DPP6: variants seen among roughly 807,000 people sequenced by gnomAD.
The protein encoded by DPP6 is dipeptidyl peptidase like 6, also known as A-type potassium channel modulatory protein DPP6.
A neutral mutation model predicts 122.6 loss-of-function variants in DPP6; 69 were observed. That is an observed-to-expected ratio of 0.56 (90% CI 0.46 to 0.69). The LOEUF is 0.69. Among genes scored for constraint, DPP6 ranks in the 30% least tolerant of loss-of-function variants. The pLI is 0.00. For synonymous variants in DPP6, 418 were observed against 433.1 expected (o/e 0.97, Z 0.43); for missense variants, 928 against 1,116.9 (o/e 0.83, Z 2.41).
At chr7:154,753,306 G>A (rs1485720272) in intron 8 of DPP6, among the ~76,000 whole-genome samples, 3 of 152,024 alleles carry the variant, frequency 2.0e-5, no homozygotes, top group South Asian at 4.2e-4. Context: ...TGACCCTTCC[G>A]AATCTATTAT....
At chr7:154,749,799 A>G (rs1087698) in intron 8 of DPP6, among the ~76,000 whole-genome samples, 4,268 of 25,782 alleles carry the variant, frequency 0.17, 524 homozygotes, top group Middle Eastern at 0.42. Flanking sequence ...TAGGACGGGA[A>G]AGAGAGGGAT....
At chr7:154,658,083 G>A (rs1019612964) in intron 6 of DPP6, among the ~76,000 whole-genome samples, 1 of 152,170 alleles carries the variant, frequency 6.6e-6, no homozygotes, top group Non-Finnish European at 1.5e-5. Context: ...CCCAAAAGAC[G>A]TCTGTATGAT....
chr7:154,317,140 A>G (rs998812563), intron 1 of DPP6, among the ~76,000 whole-genome samples: 2 of 152,148 alleles, frequency 1.3e-5, no homozygotes, highest in African/African-American at 4.8e-5. Flanking sequence ...TTTACTTCCA[A>G]TGAAGTGGGT....
chr7:154,589,761 T>C (rs567440010), intron 5 of DPP6, among the ~76,000 whole-genome samples: 1 of 152,362 alleles, frequency 6.6e-6, no homozygotes, highest in Admixed American at 6.5e-5. Flanking sequence ...CAGACAGCTC[T>C]CCTATCCACA....
At chr7:154,488,874 C>A (rs1824031197) in intron 3 of DPP6, among the ~76,000 whole-genome samples, 1 of 152,192 alleles carries the variant, frequency 6.6e-6, no homozygotes, top group Non-Finnish European at 1.5e-5. Flanking sequence ...CTGTGCATCA[C>A]TGGGACCTCA....
chr7:153,894,609 G>A (rs1394436730), intron 1 of DPP6, among the ~76,000 whole-genome samples: 1 of 152,160 alleles, frequency 6.6e-6, no homozygotes, highest in African/African-American at 2.4e-5. Context: ...GTGTTGTGGA[G>A]TTGGGAATGT....
chr7:154,407,526 A>T (rs1205116113), intron 1 of DPP6, among the ~76,000 whole-genome samples: 1 of 152,184 alleles, frequency 6.6e-6, no homozygotes, highest in Non-Finnish European at 1.5e-5. Context: ...GTGTTTAAAG[A>T]TATTCACCCT....
intron 6 of DPP6, among the ~76,000 whole-genome samples, chr7:154,642,979 T>G (rs10267843): frequency 0.15 from 23,268 of 152,240 alleles, 2,123 homozygotes; most frequent in African/African-American, 0.26. Context: ...TTAGTTAATA[T>G]TGTAGTATGT....
chr7:154,793,926 A>C, intron 10 of DPP6, 153 bp from the exon 11 acceptor site: 6 of 1,266,186 alleles, frequency 4.7e-6, no homozygotes, highest in South Asian at 3.3e-5. Context: ...GATTCTTTAT[A>C]AGCCAGATTT....
intron 1 of DPP6, among the ~76,000 whole-genome samples, chr7:154,126,770 A>AAAAGG (rs1276086092): frequency 6.6e-6 from 1 of 152,128 alleles, no homozygotes; most frequent in African/African-American, 2.4e-5. Context: ...GCAGACATTA[A>AAAAGG]AAAGGATTTG....
chr7:153,838,448 T>G, the DPP6 span, among the ~76,000 whole-genome samples: 5 of 152,210 alleles, frequency 3.3e-5, no homozygotes, highest in Non-Finnish European at 7.3e-5. Context: ...ATAATAACTC[T>G]GCCCCTGATT....
At chr7:154,645,433 A>G (rs1204135862) in intron 6 of DPP6, among the ~76,000 whole-genome samples, 1 of 152,060 alleles carries the variant, frequency 6.6e-6, no homozygotes, top group Non-Finnish European at 1.5e-5. Context: ...ACTTGGTCTC[A>G]GCCATTTCTC....
chr7:153,773,789 A>T, the DPP6 span, among the ~76,000 whole-genome samples: 4 of 151,194 alleles, frequency 2.6e-5, no homozygotes, highest in African/African-American at 9.7e-5. Context: ...CTTCCCTCTT[A>T]AGAAACAAGA....
chr7:154,870,441 C>CA (rs77380275), intron 18 of DPP6, among the ~76,000 whole-genome samples: 3 of 151,322 alleles, frequency 2.0e-5, no homozygotes, highest in African/African-American at 7.3e-5. Flanking sequence ...CCCATCTCTA[C>CA]AAAAAAATAC....
chr7:153,828,537 GTTA>G, the DPP6 span, among the ~76,000 whole-genome samples: 2 of 152,088 alleles, frequency 1.3e-5, no homozygotes, highest in African/African-American at 4.8e-5. Flanking sequence ...TAATATGATT[GTTA>G]TTATATCAAT....
intron 1 of DPP6, among the ~76,000 whole-genome samples, chr7:153,932,655 T>G (rs894716807): frequency 3.3e-5 from 5 of 152,116 alleles, no homozygotes; most frequent in African/African-American, 1.2e-4. Flanking sequence ...GGGAAGAGGA[T>G]AAACTTCCTC....
At chr7:154,814,902 G>A (rs1396996386) in intron 16 of DPP6, among the ~76,000 whole-genome samples, 1 of 152,122 alleles carries the variant, frequency 6.6e-6, no homozygotes, top group Admixed American at 6.5e-5. Flanking sequence ...GCCAATCATT[G>A]GATGAGGACC....
the DPP6 span, among the ~76,000 whole-genome samples, chr7:153,812,326 C>A: frequency 6.6e-6 from 1 of 151,102 alleles, no homozygotes; most frequent in Non-Finnish European, 1.5e-5. Flanking sequence ...ATTTCCACAT[C>A]TGAGGAAATG....
intron 5 of DPP6, among the ~76,000 whole-genome samples, chr7:154,619,168 C>T (rs1013016034): frequency 3.3e-5 from 5 of 152,144 alleles, no homozygotes; most frequent in East Asian, 1.9e-4. Flanking sequence ...GTAAATTACC[C>T]GGTCTCAGGT....
Sources: allele counts gnomAD v4.1 joint callset (sites outside exome capture counted in the v4.1 genomes callset), GRCh38; gene constraint gnomAD v4.1.1; transcripts MANE v1.5; gene names NCBI Gene and HGNC (gene_info 2026-07-23, HGNC 2026-07-21).